Variants in MYT1L observed in about 807,000 individuals in gnomAD.
The protein encoded by MYT1L is myelin transcription factor 1 like.
Under a neutral mutation model 126.7 loss-of-function variants are expected in MYT1L, and 12 were observed. The ratio of observed to expected loss-of-function variants is 0.09; its 90% CI spans 0.06 to 0.15. The LOEUF is 0.15. Among genes scored for constraint, MYT1L ranks in the 10% least tolerant of loss-of-function variants. MYT1L has a pLI of 1.00. For synonymous variants in MYT1L, 541 were observed against 604.2 expected (o/e 0.90, Z 1.53); for missense variants, 979 against 1,585.2 (o/e 0.62, Z 6.49).
chr2:1,985,230 T>C (rs1275096188), intron 5 of MYT1L, among the ~76,000 whole-genome samples: 1 of 152,142 alleles, frequency 6.6e-6, no homozygotes, highest in Non-Finnish European at 1.5e-5. Context: ...TCTTTGCTTG[T>C]CAGCAGCATC....
intron 2 of MYT1L, among the ~76,000 whole-genome samples, chr2:2,180,745 T>A (rs1382108262): frequency 6.6e-6 from 1 of 151,088 alleles, no homozygotes; most frequent in African/African-American, 2.5e-5. Context: ...TGCCTGTGTG[T>A]GTGCTTGTGC....
At chr2:1,927,274 G>A (rs990914237) in intron 9 of MYT1L, among the ~76,000 whole-genome samples, 36 of 152,328 alleles carry the variant, frequency 2.4e-4, no homozygotes, top group African/African-American at 8.2e-4. Context: ...CTACAAACCT[G>A]ACTTCTGTTG....
chr2:1,887,416 C>T lies in MYT1L; in HGVS notation c.2642+72G>A. 1 of 1,598,598 alleles carries T rather than the reference C, an allele frequency of 6.3e-7. No individual in the cohort carries two copies. The highest frequency in any genetic ancestry group is 8.6e-7 in the Non-Finnish European group (1 of 1,166,866). On this transcript the variant is annotated intron_variant, in intron 17 of 24. Transcript: ENST00000647738. The surrounding 1 kb of genome is among the most constrained non-coding windows in gnomAD (Gnocchi z 4.8). ...CTCAAACGGCAAGGCATATACAGAT[C>T]CAGTTTTAAAAAATCAGCCAAAGAA...
chr2:1,872,225 C>A (rs1256003053), intron 18 of MYT1L, among the ~76,000 whole-genome samples: 1 of 152,168 alleles, frequency 6.6e-6, no homozygotes, highest in East Asian at 1.9e-4. Context: ...TATGTTCCGA[C>A]CCCCAGTCAT....
chr2:2,026,938 C>T (rs1044223665), intron 4 of MYT1L, among the ~76,000 whole-genome samples: 19 of 151,488 alleles, frequency 1.3e-4, no homozygotes, highest in Admixed American at 2.6e-4. Context: ...AGTGTGGGGC[C>T]CCGTCACGAC....
At chr2:1,884,545 T>G (rs1243234496) in intron 18 of MYT1L, among the ~76,000 whole-genome samples, 2 of 152,202 alleles carry the variant, frequency 1.3e-5, no homozygotes, top group Admixed American at 1.3e-4. Flanking sequence ...TGAAGCAACA[T>G]TTGGTCATTG....
intron 19 of MYT1L, among the ~76,000 whole-genome samples, chr2:1,850,067 T>TG (rs2043023391): frequency 6.6e-6 from 1 of 151,894 alleles, no homozygotes; most frequent in African/African-American, 2.4e-5. Flanking sequence ...GACAGTGTCT[T>TG]TAACTCTCCT....
chr2:2,039,468 A>G (rs2067268181), intron 4 of MYT1L, among the ~76,000 whole-genome samples: 1 of 152,188 alleles, frequency 6.6e-6, no homozygotes, highest in Non-Finnish European at 1.5e-5. Context: ...CAGTTCAATA[A>G]ATTAGTAAAT....
chr2:2,014,265 T>C (rs1265545956), intron 4 of MYT1L, among the ~76,000 whole-genome samples: 3 of 151,816 alleles, frequency 2.0e-5, no homozygotes, highest in African/African-American at 7.3e-5. Context: ...ATTGGGGATT[T>C]AATGCCTTAA....
At chr2:2,150,070 C>A (rs999474541) in intron 3 of MYT1L, among the ~76,000 whole-genome samples, 11 of 152,176 alleles carry the variant, frequency 7.2e-5, no homozygotes, top group African/African-American at 2.7e-4. Context: ...TGCCATCTTC[C>A]ACCTCCCTTT....
chr2:2,097,677 C>T (rs747893813), intron 3 of MYT1L, among the ~76,000 whole-genome samples: 6 of 152,076 alleles, frequency 3.9e-5, no homozygotes, highest in African/African-American at 7.2e-5. Context: ...TCACAGCGAT[C>T]GAGAGGAGGG....
intron 8 of MYT1L, among the ~76,000 whole-genome samples, chr2:1,968,744 G>A (rs1449262055): frequency 6.6e-6 from 1 of 152,168 alleles, no homozygotes; most frequent in Non-Finnish European, 1.5e-5. Context: ...TCGCCTTTGT[G>A]GTTGGCTCCT....
chr2:1,892,178 C>A lies in MYT1L; in HGVS notation c.2142G>T (p.Thr714=). The part of the protein sequence containing the change: ...SCGGGSSASS[T]CSKSSFDYTH... ...TGTAGTCGAAGCTGCTCTTGCTGCA[C>A]GTGCTGCTGGCGCTGCTGCCCCCGC... The change falls in exon 15 of 25, where the codon ACG becomes ACT. Residue 714 remains threonine (T), a synonymous_variant. Coordinates refer to ENST00000647738, the MANE Select transcript of MYT1L (RefSeq NM_001303052.2). 1.3e-6 allele frequency: 2 copies of A among 1,549,508 alleles called. No individual in the cohort carries two copies. The highest frequency in any genetic ancestry group is 1.2e-5 in the South Asian group (1 of 84,052).
chr2:2,009,490 T>C (rs1437645254), intron 4 of MYT1L, among the ~76,000 whole-genome samples: 6 of 152,250 alleles, frequency 3.9e-5, no homozygotes, highest in Admixed American at 3.3e-4. Context: ...TACTGATTTA[T>C]TTTCCAGCTA....
At chr2:1,858,150 C>T (rs1292223473) in intron 18 of MYT1L, among the ~76,000 whole-genome samples, 4 of 152,250 alleles carry the variant, frequency 2.6e-5, no homozygotes, top group Non-Finnish European at 4.4e-5. Context: ...GGGCGTAAGC[C>T]ACCACACACA....
chr2:1,837,091 T>TC (rs1452633118), intron 21 of MYT1L, among the ~76,000 whole-genome samples: 1 of 149,480 alleles, frequency 6.7e-6, no homozygotes, highest in Non-Finnish European at 1.5e-5. Flanking sequence ...CTCTAAGCCC[T>TC]CCCCCATGGA....
chr2:1,876,051 T>C (rs1196509959), intron 18 of MYT1L, among the ~76,000 whole-genome samples: 1 of 152,164 alleles, frequency 6.6e-6, no homozygotes. Context: ...ACATCTGCGG[T>C]GAGGTTGAGG....
At chr2:2,322,347 A>T (rs2096182157) in intron 1 of MYT1L, among the ~76,000 whole-genome samples, 1 of 152,114 alleles carries the variant, frequency 6.6e-6, no homozygotes, top group African/African-American at 2.4e-5. Context: ...ACAATTGATT[A>T]AAAATTTTGC....
intron 21 of MYT1L, chr2:1,825,949 C>T (rs1480750814): frequency 2.0e-5 from 3 of 152,290 alleles, no homozygotes; most frequent in Non-Finnish European, 4.4e-5. Flanking sequence ...GACCCCAGCC[C>T]AGCTGCCAAG....
Sources: gnomAD v4.1 joint callset for allele counts (sites outside exome capture counted in the v4.1 genomes callset) on GRCh38, gnomAD v4.1.1 for gene constraint, Gnocchi (gnomAD v3.1) non-coding constraint, MANE v1.5 for transcripts, NCBI Gene and HGNC (gene_info 2026-07-23, HGNC 2026-07-21) for gene names.